The following MTM1 variants were observed in gnomAD, a reference collection of about 807,000 sequenced individuals.
The protein encoded by MTM1 is myotubularin 1, also known as myotubularin.
MTM1 carries 9 observed loss-of-function variants against 52.1 expected under a neutral mutation model. The observed-to-expected ratio is 0.17, with a 90% CI of 0.10 to 0.30. The LOEUF (loss-of-function observed/expected upper bound fraction) is 0.30, where lower values mean the gene tolerates loss of function less well. MTM1 is among the 10% of genes least tolerant of loss of function. The probability of loss-of-function intolerance (pLI) is 1.00; values close to 1 mark genes in which losing one functional copy is unlikely to be tolerated. For synonymous variants in MTM1, 136 were observed against 163.8 expected, an observed-to-expected ratio of 0.83 and a Z score of 1.29; for missense variants, 277 against 470.7, an observed-to-expected ratio of 0.59 and a Z score of 3.81.
intron 3 of MTM1, among the ~76,000 whole-genome samples, chrX:150,597,502 C>T (rs972828386): frequency 1.8e-5 from 2 of 111,709 alleles, no homozygotes; most frequent in African/African-American, 6.5e-5. Flanking sequence ...TGGTAGGTAT[C>T]AGCGCCTGAA....
intron 2 of MTM1, among the ~76,000 whole-genome samples, chrX:150,593,907 A>G (rs1327649517): frequency 9.3e-6 from 1 of 107,716 alleles, no homozygotes; most frequent in East Asian, 3.0e-4. Context: ...CAGAGGTTGC[A>G]GTGAGCCGAG....
chrX:150,593,680 T>C (rs1226679432), intron 2 of MTM1, among the ~76,000 whole-genome samples: 1 of 111,654 alleles, frequency 9.0e-6, no homozygotes, highest in Admixed American at 9.5e-5. Flanking sequence ...AAAAGTGTGT[T>C]TATGGTCAGG....
At chrX:150,581,149 C>T (rs1440466588) in intron 1 of MTM1, among the ~76,000 whole-genome samples, 2 of 111,723 alleles carry the variant, frequency 1.8e-5, no homozygotes, top group Admixed American at 9.5e-5. Flanking sequence ...GAATGGGCAC[C>T]GGTGCTGTAT....
intron 6 of MTM1, among the ~76,000 whole-genome samples, chrX:150,622,016 A>T (rs781905387): frequency 9.0e-6 from 1 of 111,046 alleles, no homozygotes; most frequent in Non-Finnish European, 1.9e-5. Flanking sequence ...AACAAATGAG[A>T]TGGATGTTTC....
chrX:150,669,408 G>A (rs954749359), intron 14 of MTM1, among the ~76,000 whole-genome samples: 5 of 111,586 alleles, frequency 4.5e-5, no homozygotes, highest in African/African-American at 1.3e-4. Flanking sequence ...TGGGTCTAAC[G>A]GTATGTCTGG....
intron 1 of MTM1, among the ~76,000 whole-genome samples, chrX:150,569,890 A>G (rs1219546606): frequency 8.9e-6 from 1 of 112,000 alleles, no homozygotes; most frequent in Non-Finnish European, 1.9e-5. Flanking sequence ...ACCAGATTTG[A>G]TTCTGAATGG....
intron 4 of MTM1, among the ~76,000 whole-genome samples, chrX:150,609,692 C>A (rs973886958): frequency 3.6e-5 from 4 of 111,504 alleles, no homozygotes; most frequent in African/African-American, 9.8e-5. Context: ...CTATTTATCC[C>A]AGAGATCTGG....
intron 7 of MTM1, among the ~76,000 whole-genome samples, chrX:150,640,122 C>G (rs1254094342): frequency 8.9e-6 from 1 of 111,747 alleles, no homozygotes; most frequent in Non-Finnish European, 1.9e-5. Context: ...GGACTAGCTA[C>G]TGAGGCGGAA....
intron 1 of MTM1, among the ~76,000 whole-genome samples, chrX:150,579,936 AT>A (rs1418331058): frequency 1.8e-5 from 2 of 110,632 alleles, no homozygotes; most frequent in South Asian, 3.7e-4. Flanking sequence ...TATTCTTAGG[AT>A]TTTTTTTGCA....
At chrX:150,649,472 T>C (rs1347397716) in intron 9 of MTM1, among the ~76,000 whole-genome samples, 1 of 112,269 alleles carries the variant, frequency 8.9e-6, no homozygotes, top group Non-Finnish European at 1.9e-5. Context: ...ATTTTGAGGA[T>C]GATTTTTTTC....
At chrX:150,604,180 C>T (rs190488432) in intron 4 of MTM1, among the ~76,000 whole-genome samples, 6 of 111,957 alleles carry the variant, frequency 5.4e-5, no homozygotes, top group Middle Eastern at 4.6e-3. Flanking sequence ...AAAGATTCTG[C>T]AGCTTCCAGG....
intron 1 of MTM1, among the ~76,000 whole-genome samples, chrX:150,583,145 AATAT>A (rs1189581904): frequency 1.3e-5 from 1 of 79,357 alleles, no homozygotes; most frequent in African/African-American, 5.0e-5. Flanking sequence ...ATAAATTATA[AATAT>A]ATATAAATTA....
chrX:150,611,521 T>C (rs1210112169), intron 4 of MTM1, among the ~76,000 whole-genome samples: 1 of 112,168 alleles, frequency 8.9e-6, no homozygotes, highest in Non-Finnish European at 1.9e-5. Flanking sequence ...TATGAGCTCA[T>C]AGAACTTGCA....
intron 14 of MTM1, among the ~76,000 whole-genome samples, chrX:150,669,639 A>C (rs782485750): frequency 1.8e-5 from 2 of 111,668 alleles, no homozygotes; most frequent in Admixed American, 9.4e-5. Context: ...GCTTTTTTTC[A>C]TATCTTTGTT....
chrX:150,651,058 TC>T (rs1459901430), intron 10 of MTM1, among the ~76,000 whole-genome samples: 2 of 112,192 alleles, frequency 1.8e-5, no homozygotes, highest in African/African-American at 6.5e-5. Flanking sequence ...GAATGTTCCT[TC>T]CACTGACTTT....
At chrX:150,569,076 G>A (rs2038315800) in intron 1 of MTM1, among the ~76,000 whole-genome samples, 1 of 113,745 alleles carries the variant, frequency 8.8e-6, no homozygotes, top group Non-Finnish European at 1.9e-5. Context: ...TCCTCGCCTT[G>A]GCCCTCCGCA....
At chrX:150,662,120 C>CT (rs782035337) in intron 13 of MTM1, among the ~76,000 whole-genome samples, 1 of 111,203 alleles carries the variant, frequency 9.0e-6, no homozygotes, top group Admixed American at 9.6e-5. Flanking sequence ...AGAGAGAGCA[C>CT]TTTTTTTCAT....
intron 14 of MTM1, among the ~76,000 whole-genome samples, chrX:150,669,580 A>G (rs1482313637): frequency 2.7e-5 from 3 of 111,862 alleles, no homozygotes; most frequent in African/African-American, 9.8e-5. Context: ...ATGAGATGGT[A>G]TCTCACTGCG....
At chrX:150,666,628 G>A (rs1275659226) in intron 14 of MTM1, among the ~76,000 whole-genome samples, 6 of 112,016 alleles carry the variant, frequency 5.4e-5, no homozygotes, top group Admixed American at 2.8e-4. Context: ...ACAGACCTGC[G>A]TCAATGTGGA....
Sources: gnomAD v4.1 joint callset for allele counts (sites outside exome capture counted in the v4.1 genomes callset) on GRCh38, gnomAD v4.1.1 for gene constraint, MANE v1.5 for transcripts, NCBI Gene and HGNC (gene_info 2026-07-23, HGNC 2026-07-21) for gene names.